The following AGBL1 variants were observed in gnomAD, a reference collection of about 807,000 sequenced individuals.
The protein encoded by AGBL1 is cytosolic carboxypeptidase 4.
In AGBL1, 130 loss-of-function variants were observed where a neutral mutation model predicts 118.9. The ratio of observed to expected loss-of-function variants is 1.09; its 90% CI spans 0.95 to 1.26. The LOEUF is 1.26. AGBL1 is among the 50% of genes most tolerant of loss of function. AGBL1 has a pLI of 0.00. For synonymous variants in AGBL1, 555 were observed against 478.9 expected, an observed-to-expected ratio of 1.16 and a Z score of -2.08; for missense variants, 1,584 against 1,298.1, an observed-to-expected ratio of 1.22 and a Z score of -3.38.
intron 3 of AGBL1, among the ~76,000 whole-genome samples, chr15:86,151,247 A>C (rs531285647): frequency 6.6e-6 from 1 of 151,622 alleles, no homozygotes; most frequent in Non-Finnish European, 1.5e-5. Flanking sequence ...ACGTGTATAC[A>C]TATGTAACTA....
At chr15:86,149,721 G>A (rs1597459865) in intron 3 of AGBL1, among the ~76,000 whole-genome samples, 2 of 152,280 alleles carry the variant, frequency 1.3e-5, no homozygotes, top group Non-Finnish European at 2.9e-5. Flanking sequence ...AGATCAATGA[G>A]ACAGAAGGTT....
chr15:86,534,848 T>C (rs774279458), intron 19 of AGBL1, among the ~76,000 whole-genome samples: 1 of 152,144 alleles, frequency 6.6e-6, no homozygotes, highest in Admixed American at 6.5e-5. Flanking sequence ...GTGAAAGTAA[T>C]TTATGGGGAC....
At chr15:86,159,761 T>G (rs1215177304) in intron 5 of AGBL1, among the ~76,000 whole-genome samples, 1 of 152,112 alleles carries the variant, frequency 6.6e-6, no homozygotes, top group African/African-American at 2.4e-5. Flanking sequence ...ATGGGATCAT[T>G]TGGCAAGTAA....
Position 86,465,459 on chromosome 15 carries a change from A to G in AGBL1, c.2556-57351A>G, listed in dbSNP as rs2142092826. Among the ~76,000 whole-genome samples, 2 of 152,320 alleles carry G rather than the reference A, an allele frequency of 1.3e-5. 1 individual carries two copies. Among genetic ancestry groups the G allele is most frequent in the South Asian group, 4.1e-4 (2 of 4,826 alleles). ...GAGATTTTCAGGGAACAAGGGAGAT[A>G]ACCATAAATTCTGACTGCCTGCGGG... On this transcript the variant is annotated intron_variant, in intron 18 of 22. Coordinates refer to ENST00000614907, the MANE Select transcript of AGBL1 (RefSeq NM_001386094.1).
At chr15:86,177,968 CAAT>C (rs921387787) in intron 5 of AGBL1, among the ~76,000 whole-genome samples, 76 of 152,044 alleles carry the variant, frequency 5.0e-4, no homozygotes, top group African/African-American at 1.8e-3. Context: ...AATAGAAAAA[CAAT>C]AAGCAATTCA....
chr15:86,332,715 C>T (rs565686502), intron 17 of AGBL1, among the ~76,000 whole-genome samples: 1 of 151,312 alleles, frequency 6.6e-6, no homozygotes, highest in African/African-American at 2.4e-5. Context: ...TCATAGATGT[C>T]TACAGAATAC....
At chr15:86,938,052 T>C (rs2080697410) in intron 23 of AGBL1, among the ~76,000 whole-genome samples, 1 of 141,176 alleles carries the variant, frequency 7.1e-6, no homozygotes, top group South Asian at 2.3e-4. Flanking sequence ...TATTGTTCCT[T>C]GTTTTGAGAC....
chr15:86,096,980 A>G (rs1228482643), intron 1 of AGBL1, among the ~76,000 whole-genome samples: 1 of 152,092 alleles, frequency 6.6e-6, no homozygotes, highest in Non-Finnish European at 1.5e-5. Context: ...GACCTAAAAC[A>G]TTGTCCTTCT....
At chr15:86,775,136 G>T (rs1338772890) in intron 22 of AGBL1, among the ~76,000 whole-genome samples, 2 of 152,128 alleles carry the variant, frequency 1.3e-5, no homozygotes, top group Non-Finnish European at 2.9e-5. Context: ...CAAATGATTT[G>T]AAGGGTCAGT....
chr15:86,944,133 G>A (rs1248144975), intron 23 of AGBL1, among the ~76,000 whole-genome samples: 3 of 152,140 alleles, frequency 2.0e-5, no homozygotes, highest in Admixed American at 2.0e-4. Context: ...CACTTTGGGA[G>A]GCTGAGGCGG....
At chr15:86,697,320 T>C (rs2086279848) in intron 22 of AGBL1, among the ~76,000 whole-genome samples, 1 of 151,878 alleles carries the variant, frequency 6.6e-6, no homozygotes, top group Non-Finnish European at 1.5e-5. Context: ...CTTTGTTGGA[T>C]TGGGTTATTT....
At position 86,748,614 on chromosome 15, in the gene AGBL1, G is replaced by C. The variant is rs866942263; in HGVS notation, c.3158+74178G>C. On this transcript the variant is annotated intron_variant, in intron 22 of 22. Coordinates refer to ENST00000614907, the MANE Select transcript of AGBL1 (RefSeq NM_001386094.1). The stretch of plus-strand genomic sequence containing the variant: ...CCTATGTCCTGAATGGTAATGCCTA[G>C]GTTTTCTTCTAGGGTTTTTATGGTT... 9.3e-4 allele frequency among the ~76,000 whole-genome samples: 124 copies of C among 133,500 alleles called. 2 individuals carry two copies. The highest frequency in any genetic ancestry group is 9.7e-3 in the Middle Eastern group (2 of 206). 87.6% of individuals were successfully genotyped at this position (133,500 alleles called of 152,430 possible).
intron 22 of AGBL1, among the ~76,000 whole-genome samples, chr15:86,905,889 T>C (rs751171299): frequency 6.6e-6 from 1 of 152,166 alleles, no homozygotes; most frequent in Non-Finnish European, 1.5e-5. Context: ...GATAACAATT[T>C]AATGTTGTGA....
At chr15:86,958,368 A>G (rs887785157) in intron 23 of AGBL1, among the ~76,000 whole-genome samples, 1 of 152,124 alleles carries the variant, frequency 6.6e-6, no homozygotes, top group Non-Finnish European at 1.5e-5. Context: ...GGAGGGTAAA[A>G]TGTCCTCCAT....
chr15:86,309,663 C>T (rs2079891258), intron 17 of AGBL1, among the ~76,000 whole-genome samples: 1 of 152,042 alleles, frequency 6.6e-6, no homozygotes, highest in African/African-American at 2.4e-5. Context: ...TTTTAATGAC[C>T]ATATGATTTT....
chr15:86,219,438 A>G (rs1239630968), intron 5 of AGBL1, among the ~76,000 whole-genome samples: 1 of 152,166 alleles, frequency 6.6e-6, no homozygotes, highest in South Asian at 2.1e-4. Flanking sequence ...ACACCATCCC[A>G]TCAGTTAGAT....
chr15:86,946,347 A>G (rs565125721), intron 23 of AGBL1: 1 of 152,154 alleles, frequency 6.6e-6, no homozygotes, highest in African/African-American at 2.4e-5. Flanking sequence ...TGCTATTTGA[A>G]TACTTCACTG....
intron 22 of AGBL1, among the ~76,000 whole-genome samples, chr15:86,695,123 G>C (rs1467215234): frequency 6.6e-6 from 1 of 151,864 alleles, no homozygotes; most frequent in African/African-American, 2.4e-5. Flanking sequence ...GATTTAGGGA[G>C]GATTTCCTCT....
In AGBL1 at chr15:86,264,409, C is replaced by G; in HGVS notation, c.1238C>G (p.Thr413Ser). The change falls in exon 11 of 23, where the codon ACT (threonine) becomes AGT (serine). Residue 413 changes from threonine (T) to serine (S), a missense_variant. Transcript: ENST00000614907. Reference sequence around the variant, plus strand: ...CAAGAAAGAGAATATGCTGTCCAGACTTCCCTTCTGTGCAGGGTGAAGACG... The same window carrying G: ...CAAGAAAGAGAATATGCTGTCCAGAGTTCCCTTCTGTGCAGGGTGAAGACG... ...CGQEREYAVQTSLLCRVKTGR... is the reference protein window; with the variant it reads ...CGQEREYAVQSSLLCRVKTGR... 3 of 1,614,014 alleles carry G rather than the reference C, an allele frequency of 1.9e-6. No individual in the cohort carries two copies. The highest frequency in any genetic ancestry group is 1.7e-6 in the Non-Finnish European group (2 of 1,179,886).
Sources: gnomAD v4.1 joint callset for allele counts (sites outside exome capture counted in the v4.1 genomes callset) on GRCh38, gnomAD v4.1.1 for gene constraint, MANE v1.5 for transcripts, NCBI Gene and HGNC (gene_info 2026-07-23, HGNC 2026-07-21) for gene names.